The following ADGRL3 variants were observed in gnomAD, a reference collection of about 807,000 sequenced individuals.
ADGRL3 encodes the protein calcium-independent alpha-latrotoxin receptor 3.
ADGRL3 carries 62 observed loss-of-function variants against 153.5 expected under a neutral mutation model. That is an observed-to-expected ratio of 0.40 (90% CI 0.33 to 0.50). The LOEUF is 0.50. ADGRL3 is among the 20% of genes least tolerant of loss of function. The pLI is 0.47. For missense variants in ADGRL3, 1,641 were observed against 1,859.4 expected (o/e 0.88, Z 2.16); for synonymous variants, 710 against 672.5 (o/e 1.06, Z -0.86).
chr4:61,249,796 A>G (rs991586418), intron 1 of ADGRL3, among the ~76,000 whole-genome samples: 6 of 152,188 alleles, frequency 3.9e-5, no homozygotes, highest in African/African-American at 1.4e-4. Flanking sequence ...CTCATCTTTA[A>G]AATGAGCAAG....
rs1252506612 is a variant in ADGRL3, at chr4:62,070,587, C to A, written c.4311C>A (p.Thr1437=). The change falls in exon 27 of 27, where the codon ACC becomes ACA. Residue 1437 remains threonine (T), a synonymous_variant. Transcript: ENST00000683033. ...DHSESFFPLL[T]NEHTEDLQSP... ...GTGAGAGCTTTTTCCCTTTGCTAAC[C>A]AACGAGCACACAGAAGATCTCCAGT... 3.2e-6 allele frequency: 5 copies of A among 1,551,612 alleles called. No homozygotes were observed.
rs181207832 is a variant in ADGRL3, at chr4:61,738,029, C to T, written c.1399+4475C>T. Among the ~76,000 whole-genome samples the T allele has an allele frequency of 1.2e-3, 180 of 152,008 alleles. 3 individuals carry two copies. Among genetic ancestry groups the T allele is most frequent in the African/African-American group, 4.0e-3 (167 of 41,440 alleles). On this transcript the variant is annotated intron_variant, in intron 8 of 26. Transcript: ENST00000683033. ...TTGTGAGATTTTGGTGCACCCATCA[C>T]TCGAGCATTATACCTGAACCAAATT...
chr4:61,535,596 C>T, intron 4 of ADGRL3, among the ~76,000 whole-genome samples: 1 of 151,792 alleles, frequency 6.6e-6, no homozygotes, highest in Non-Finnish European at 1.5e-5. Flanking sequence ...GTTTTTTTTA[C>T]TACTGATTCA....
chr4:61,396,759 T>C (rs1003238813), intron 2 of ADGRL3, among the ~76,000 whole-genome samples: 1 of 151,888 alleles, frequency 6.6e-6, no homozygotes, highest in Non-Finnish European at 1.5e-5. Context: ...TACTTTTTTT[T>C]CCAGCAAATG....
chr4:61,381,406 A>AG (rs1307553129), intron 1 of ADGRL3, among the ~76,000 whole-genome samples: 1 of 151,364 alleles, frequency 6.6e-6, no homozygotes, highest in African/African-American at 2.4e-5. Context: ...TTGGTTCCTT[A>AG]GAGAGGGGTG....
chr4:61,347,366 GC>G (rs770538758), intron 1 of ADGRL3, among the ~76,000 whole-genome samples: 6 of 151,350 alleles, frequency 4.0e-5, no homozygotes, highest in Non-Finnish European at 5.9e-5. Flanking sequence ...GCTCTTTTAG[GC>G]CAGCAGGTAT....
chr4:61,776,036 G>A (rs1051690164), intron 8 of ADGRL3, among the ~76,000 whole-genome samples: 1 of 152,108 alleles, frequency 6.6e-6, no homozygotes, highest in Non-Finnish European at 1.5e-5. Flanking sequence ...GAGTAGCTGG[G>A]ACTCCAGGCG....
At chr4:61,670,381 G>A (rs910144061) in intron 5 of ADGRL3, among the ~76,000 whole-genome samples, 2 of 152,036 alleles carry the variant, frequency 1.3e-5, no homozygotes, top group African/African-American at 4.8e-5. Flanking sequence ...TGTCTATTAT[G>A]TGAGAATTTT....
chr4:61,331,447 G>A (rs925688532), intron 1 of ADGRL3, among the ~76,000 whole-genome samples: 2 of 151,998 alleles, frequency 1.3e-5, no homozygotes, highest in African/African-American at 2.4e-5. Context: ...TTATTTAAAA[G>A]TAAAGTTAAA....
intron 2 of ADGRL3, among the ~76,000 whole-genome samples, chr4:61,388,203 A>ATCTCTTTGCTTCTATC (rs2096761991): frequency 6.6e-6 from 1 of 152,158 alleles, no homozygotes; most frequent in Non-Finnish European, 1.5e-5. Context: ...TGGGCATGGT[A>ATCTCTTTGCTTCTATC]TCTATCCTCT....
intron 8 of ADGRL3, among the ~76,000 whole-genome samples, chr4:61,794,138 G>T (rs1215247953): frequency 6.6e-6 from 1 of 152,190 alleles, no homozygotes; most frequent in Non-Finnish European, 1.5e-5. Context: ...GAACCAGGTA[G>T]ATCATAGTTA....
At chr4:61,581,542 T>C (rs973055802) in intron 4 of ADGRL3, among the ~76,000 whole-genome samples, 1 of 152,046 alleles carries the variant, frequency 6.6e-6, no homozygotes, top group African/African-American at 2.4e-5. Context: ...AGGGCCATAG[T>C]TGCTGTGTCT....
At chr4:61,833,960 T>TC (rs2097903257) in intron 9 of ADGRL3, among the ~76,000 whole-genome samples, 2 of 141,590 alleles carry the variant, frequency 1.4e-5, no homozygotes, top group Non-Finnish European at 3.1e-5. Flanking sequence ...GGCAGCTTCT[T>TC]TTTTTTTTTT....
At chr4:61,361,659 T>C (rs1274494059) in intron 1 of ADGRL3, among the ~76,000 whole-genome samples, 15 of 152,078 alleles carry the variant, frequency 9.9e-5, no homozygotes, top group Admixed American at 9.2e-4. Flanking sequence ...TGGCACACAA[T>C]AAAGGCAGCT....
intron 21 of ADGRL3, among the ~76,000 whole-genome samples, chr4:62,027,726 T>C (rs892898542): frequency 6.6e-6 from 1 of 151,974 alleles, no homozygotes; most frequent in African/African-American, 2.4e-5. Flanking sequence ...GTATATAGTA[T>C]TCATTGAACA....
chr4:61,331,110 G>T (rs1194363149), intron 1 of ADGRL3, among the ~76,000 whole-genome samples: 1 of 152,182 alleles, frequency 6.6e-6, no homozygotes, highest in Non-Finnish European at 1.5e-5. Context: ...CAGGGACTGT[G>T]GAGATAGTAT....
intron 1 of ADGRL3, among the ~76,000 whole-genome samples, chr4:61,346,732 G>A (rs563144925): frequency 4.9e-4 from 73 of 147,784 alleles, no homozygotes; most frequent in South Asian, 3.9e-3. Context: ...GAAGTGAGCC[G>A]TGATTGTGTC....
intron 6 of ADGRL3, among the ~76,000 whole-genome samples, chr4:61,711,136 A>G (rs1184036635): frequency 6.6e-6 from 1 of 152,118 alleles, no homozygotes; most frequent in African/African-American, 2.4e-5. Flanking sequence ...ATCAAGATCT[A>G]ATTGGAAATA....
At chr4:61,371,421 G>C (rs972679696) in intron 1 of ADGRL3, among the ~76,000 whole-genome samples, 12 of 151,878 alleles carry the variant, frequency 7.9e-5, no homozygotes, top group Non-Finnish European at 1.5e-4. Flanking sequence ...TTTAGGGCAG[G>C]CCTGGTGGTG....
Sources: gnomAD v4.1 joint callset for allele counts (sites outside exome capture counted in the v4.1 genomes callset) on GRCh38, gnomAD v4.1.1 for gene constraint, MANE v1.5 for transcripts, NCBI Gene and HGNC (gene_info 2026-07-23, HGNC 2026-07-21) for gene names.